TRAF3IP3: variants seen among roughly 807,000 people sequenced by gnomAD.
The protein encoded by TRAF3IP3 is TRAF3-interacting JNK-activating modulator.
Under a neutral mutation model 86.5 loss-of-function variants are expected in TRAF3IP3, and 64 were observed. That is an observed-to-expected ratio of 0.74 (90% confidence interval 0.60 to 0.91). The LOEUF (loss-of-function observed/expected upper bound fraction) is 0.91, where lower values mean the gene tolerates loss of function less well. Among genes scored for constraint, TRAF3IP3 ranks in the 40% least tolerant of loss-of-function variants. The pLI is 0.00. For missense variants in TRAF3IP3, 579 were observed against 642.9 expected, an observed-to-expected ratio of 0.90 and a Z score of 1.07; for synonymous variants, 220 against 243.9, an observed-to-expected ratio of 0.90 and a Z score of 0.91.
rs1427380332 is a variant in TRAF3IP3, at chr1:209,775,644, C to T, written c.961C>T (p.Gln321Ter). The change falls in exon 11 of 17, where the codon CAG (glutamine) becomes TAG (stop). Residue 321 changes from glutamine to a stop codon, truncating the protein, a stop_gained. Coordinates refer to ENST00000367025, the MANE Select transcript of TRAF3IP3 (RefSeq NM_025228.4). LOFTEE classifies it high-confidence loss of function. ...AEQKCEEWRSQYEALKEDWRT... is the reference protein window; with the variant it reads ...AEQKCEEWRS ...GCAGAAGTGTGAAGAGTGGAGGAGC[C>T]AGTATGAGGCTCTGAAGGAGGACTG... The T allele has an allele frequency of 6.2e-7, 1 of 1,614,110 alleles. No homozygotes were observed. Among genetic ancestry groups the T allele is most frequent in the East Asian group, 2.2e-5 (1 of 44,868 alleles).
At position 209,763,522 on chromosome 1, in the gene TRAF3IP3, C is replaced by T. The variant is rs1277139016; in HGVS notation, c.637C>T (p.Gln213Ter). 1 of 1,614,210 alleles carries T rather than the reference C, an allele frequency of 6.2e-7. No individual in the cohort carries two copies. Among genetic ancestry groups the T allele is most frequent in the African/African-American group, 1.3e-5 (1 of 75,042 alleles). The change falls in exon 8 of 17, where the codon CAG becomes TAG. Residue 213 changes from glutamine (Q) to a stop codon, truncating the protein, a stop_gained. Transcript: ENST00000367025. LOFTEE classifies it high-confidence loss of function. ...CCTACAAAGGGAGCTGGTCCTAAAA[C>T]AGAAAATGGTGATTCTCCAAGACCT... ...EALQRELVLKQKMVILQDLLS... is the reference protein window; with the variant it reads ...EALQRELVLK
At chr1:209,757,293 G>A (rs536808701) in intron 1 of TRAF3IP3, among the ~76,000 whole-genome samples, 19 of 152,320 alleles carry the variant, frequency 1.2e-4, no homozygotes, top group Non-Finnish European at 2.8e-4. Flanking sequence ...TGGGTGGAGA[G>A]CCCAGAGAGA....
chr1:209,769,088 G>A (rs1295526161), intron 8 of TRAF3IP3, among the ~76,000 whole-genome samples: 2 of 152,230 alleles, frequency 1.3e-5, no homozygotes, highest in Non-Finnish European at 2.9e-5. Context: ...AATGGGGAGA[G>A]AGGAGGTACC....
intron 8 of TRAF3IP3, chr1:209,768,107 C>T (rs2077391909): frequency 1.0e-6 from 1 of 982,264 alleles, no homozygotes; most frequent in Non-Finnish European, 1.2e-6. Flanking sequence ...AAAGCCTCAA[C>T]TCCAATAAAA....
chr1:209,760,795 A>G (rs974650660), intron 3 of TRAF3IP3, among the ~76,000 whole-genome samples: 1 of 152,064 alleles, frequency 6.6e-6, no homozygotes, highest in Non-Finnish European at 1.5e-5. Flanking sequence ...CTAACCAGGC[A>G]TGGTGGTGCA....
intron 16 of TRAF3IP3, 76 bp downstream of exon 16, chr1:209,781,534 A>T: frequency 9.0e-7 from 1 of 1,107,642 alleles, no homozygotes; most frequent in South Asian, 1.3e-5. Context: ...TGCACATAAA[A>T]TATATCAGCC....
chr1:209,771,555 G>T (rs1349181513), intron 8 of TRAF3IP3, among the ~76,000 whole-genome samples: 1 of 145,534 alleles, frequency 6.9e-6, no homozygotes. Context: ...GCAGGTGGAG[G>T]TGTATGTGTG....
intron 9 of TRAF3IP3, among the ~76,000 whole-genome samples, chr1:209,774,978 T>C (rs2077622400): frequency 1.3e-5 from 2 of 152,050 alleles, no homozygotes; most frequent in Non-Finnish European, 2.9e-5. Flanking sequence ...AAAATGAAGA[T>C]TGACTCCCTG....
intron 9 of TRAF3IP3, among the ~76,000 whole-genome samples, chr1:209,773,236 T>C (rs1009005219): frequency 6.6e-6 from 1 of 152,142 alleles, no homozygotes; most frequent in African/African-American, 2.4e-5. Context: ...CCAGTATCCT[T>C]CTCTTTGCAC....
chr1:209,781,914 T>C, intron 16 of TRAF3IP3, 142 bp from the exon 17 acceptor site: 1 of 640,388 alleles, frequency 1.6e-6, no homozygotes, highest in Admixed American at 2.7e-5. Context: ...GGTGACAAAA[T>C]GGGAGACAGA....
In TRAF3IP3 at chr1:209,777,883, G is replaced by T. The variant is rs150296673; in HGVS notation, c.1190-228G>T. The T allele has an allele frequency of 1.1e-3, 625 of 589,800 alleles. 4 individuals carry two copies. Among genetic ancestry groups the T allele is most frequent in the Middle Eastern group, 6.8e-3 (16 of 2,342 alleles). 36.5% of individuals were successfully genotyped at this position (589,800 alleles called of 1,614,324 possible). A position where few individuals can be genotyped will look rare whatever the true frequency, so the allele number is the denominator to read the frequency against. ...CCGCTGATAGAGAGGACTAGATAGTGTGTAAACACAAGCCTCAATGCAACC... is the reference window on the plus strand; with the variant it reads ...CCGCTGATAGAGAGGACTAGATAGTTTGTAAACACAAGCCTCAATGCAACC... On this transcript the variant is annotated intron_variant, in intron 12 of 16. Transcript: ENST00000367025.
At chr1:209,764,965 A>T (rs149654271) in intron 8 of TRAF3IP3, among the ~76,000 whole-genome samples, 1,921 of 152,234 alleles carry the variant, frequency 0.013, 37 homozygotes, top group African/African-American at 0.043. Context: ...ACCTGAGGTC[A>T]GGAATTAGAG....
intron 1 of TRAF3IP3, among the ~76,000 whole-genome samples, chr1:209,756,929 G>T (rs1305115932): frequency 2.6e-5 from 4 of 152,190 alleles, no homozygotes; most frequent in African/African-American, 9.7e-5. Context: ...GCTGCCAGGG[G>T]GGAACCTGAG....
At chr1:209,763,723 AG>A (rs1558011427) in intron 8 of TRAF3IP3, 136 bp downstream of exon 8, 2 of 722,836 alleles carry the variant, frequency 2.8e-6, no homozygotes, top group Non-Finnish European at 4.7e-6. Flanking sequence ...GCAGGAGATG[AG>A]GGGGATGGTG....
intron 14 of TRAF3IP3, chr1:209,779,647 T>G: frequency 1.7e-6 from 1 of 604,320 alleles, no homozygotes; most frequent in Non-Finnish European, 2.9e-6. Flanking sequence ...AAATTTATTT[T>G]GAACTCAGGA....
intron 14 of TRAF3IP3, chr1:209,779,575 T>C (rs2077733854): frequency 1.4e-6 from 1 of 689,722 alleles, no homozygotes; most frequent in Non-Finnish European, 2.7e-6. Flanking sequence ...TTGAGGTATA[T>C]AAACTGTGAA....
chr1:209,761,155 G>A (rs2077238054), intron 3 of TRAF3IP3, among the ~76,000 whole-genome samples: 1 of 152,104 alleles, frequency 6.6e-6, no homozygotes, highest in African/African-American at 2.4e-5. Context: ...CTGCAAGGCT[G>A]TTGTGCCCAC....
At chr1:209,761,268 T>C (rs928275593) in intron 3 of TRAF3IP3, among the ~76,000 whole-genome samples, 2 of 152,238 alleles carry the variant, frequency 1.3e-5, no homozygotes, top group African/African-American at 4.8e-5. Flanking sequence ...CCACCTCTGC[T>C]GTCTATGGGC....
chr1:209,763,550 TG>T lies in TRAF3IP3; in HGVS notation c.666del (p.Ser223ProfsTer3). On this transcript the variant is annotated frameshift_variant, in exon 8 of 17. Coordinates refer to ENST00000367025, the MANE Select transcript of TRAF3IP3 (RefSeq NM_025228.4). LOFTEE classifies it high-confidence loss of function. Reference protein sequence around the residue: ...KQKMVILQDLLSTLIQASDSS... With the variant: ...KQKMVILQDLXSTLIQASDSS... Reference sequence around the variant, plus strand: ...AAAATGGTGATTCTCCAAGACCTACTGTCCACTCTGATTCAGGCCTCTGACA... The same window carrying T: ...AAAATGGTGATTCTCCAAGACCTACTTCCACTCTGATTCAGGCCTCTGACA... The T allele has an allele frequency of 6.2e-7, 1 of 1,614,224 alleles. No homozygotes were observed. Among genetic ancestry groups the T allele is most frequent in the Non-Finnish European group, 8.5e-7 (1 of 1,180,028 alleles).
Sources: allele counts gnomAD v4.1 joint callset (sites outside exome capture counted in the v4.1 genomes callset), GRCh38; gene constraint gnomAD v4.1.1; transcripts MANE v1.5; gene names NCBI Gene and HGNC (gene_info 2026-07-23, HGNC 2026-07-21).